ANK2: variants seen among roughly 807,000 people sequenced by gnomAD.
ANK2 encodes the protein ankyrin-2.
A neutral mutation model predicts 360.5 loss-of-function variants in ANK2; 83 were observed. The ratio of observed to expected loss-of-function variants is 0.23; its 90% CI spans 0.19 to 0.28. The LOEUF is 0.28. ANK2 is among the 10% of genes least tolerant of loss of function. The pLI, the probability that ANK2 is intolerant of heterozygous loss-of-function variation, is 1.00. For missense variants in ANK2, 4,201 were observed against 4,795.7 expected (o/e 0.88, Z 3.66); for synonymous variants, 1,740 against 1,759.5 (o/e 0.99, Z 0.28).
At chr4:113,298,141 T>C (rs2072927928) in intron 22 of ANK2, among the ~76,000 whole-genome samples, 1 of 152,224 alleles carries the variant, frequency 6.6e-6, no homozygotes, top group African/African-American at 2.4e-5. Flanking sequence ...CTGTTATAAT[T>C]GTCTCAATTA....
chr4:113,056,547 G>A (rs959469458), intron 1 of ANK2, among the ~76,000 whole-genome samples: 3 of 151,982 alleles, frequency 2.0e-5, no homozygotes, highest in African/African-American at 7.3e-5. Context: ...TATCTCATTG[G>A]ACACTGGTCG....
intron 9 of ANK2, among the ~76,000 whole-genome samples, chr4:113,248,873 A>T (rs1027463481): frequency 6.6e-6 from 1 of 152,186 alleles, no homozygotes; most frequent in Admixed American, 6.5e-5. Context: ...AATCACCAGT[A>T]AATTTAAGCA....
At chr4:113,256,699 G>A (rs1393149470) in intron 11 of ANK2, among the ~76,000 whole-genome samples, 1 of 152,112 alleles carries the variant, frequency 6.6e-6, no homozygotes, top group Non-Finnish European at 1.5e-5. Flanking sequence ...TGTTTACATG[G>A]TTTGTGTCTG....
the ANK2 span, among the ~76,000 whole-genome samples, chr4:112,757,836 A>G: frequency 3.9e-5 from 6 of 152,220 alleles, no homozygotes; most frequent in African/African-American, 1.4e-4. Context: ...GTAAAGGAGA[A>G]AAATGTAAAA....
At chr4:112,735,718 T>G in the ANK2 span, among the ~76,000 whole-genome samples, 4 of 152,224 alleles carry the variant, frequency 2.6e-5, no homozygotes, top group Non-Finnish European at 5.9e-5. Flanking sequence ...ATTTATCAGC[T>G]TAACCATTTC....
the ANK2 span, among the ~76,000 whole-genome samples, chr4:112,768,982 C>T: frequency 6.6e-6 from 1 of 152,178 alleles, no homozygotes; most frequent in Non-Finnish European, 1.5e-5. Flanking sequence ...AGTTCATTGG[C>T]TTAAAATAAT....
the ANK2 span, among the ~76,000 whole-genome samples, chr4:112,745,660 A>G: frequency 1.3e-5 from 2 of 151,702 alleles, no homozygotes; most frequent in Admixed American, 1.3e-4. Flanking sequence ...CAGCCTCCCA[A>G]GTAGCTGGGA....
intron 1 of ANK2, among the ~76,000 whole-genome samples, chr4:113,059,614 T>C (rs1201063947): frequency 1.3e-5 from 2 of 152,196 alleles, no homozygotes; most frequent in Non-Finnish European, 2.9e-5. Flanking sequence ...AGACTGTACT[T>C]TGAGAATTCA....
chr4:113,373,636 G>C (rs1299651302), intron 45 of ANK2, 187 bp downstream of exon 45: 1 of 773,090 alleles, frequency 1.3e-6, no homozygotes, highest in Non-Finnish European at 2.4e-6. Context: ...CCATCAGGGA[G>C]ACTTGTAGGC....
intron 1 of ANK2, among the ~76,000 whole-genome samples, chr4:113,115,090 T>C (rs144292489): frequency 1.3e-5 from 2 of 152,296 alleles, no homozygotes; most frequent in East Asian, 3.9e-4. Context: ...ATGACTGCTT[T>C]GACACCACAA....
chr4:113,095,685 T>C lies in ANK2; in HGVS notation c.84+45873T>C, dbSNP rs563395237. ...AGATTTATACCTTTCTGTTTATAAG[T>C]ATAATAATAATTCTTTTATAAAAAT... On this transcript the variant is annotated intron_variant, in intron 1 of 45. Coordinates refer to ENST00000357077, the MANE Select transcript of ANK2 (RefSeq NM_001148.6). Among the ~76,000 whole-genome samples the C allele has an allele frequency of 1.9e-4, 29 of 152,154 alleles. No individual in the cohort carries two copies. In the South Asian group the frequency reaches 5.8e-3, roughly 31 times the overall value.
At chr4:113,072,538 TAGA>T (rs2077978015) in intron 1 of ANK2, among the ~76,000 whole-genome samples, 2 of 152,168 alleles carry the variant, frequency 1.3e-5, no homozygotes, top group Admixed American at 6.5e-5. Flanking sequence ...TTCTCAAAGT[TAGA>T]AGGAGTCTGT....
At chr4:113,301,193 GC>G (rs1161879779) in intron 22 of ANK2, among the ~76,000 whole-genome samples, 2 of 151,940 alleles carry the variant, frequency 1.3e-5, no homozygotes, top group African/African-American at 2.4e-5. Context: ...GTCAATTGAT[GC>G]CCTTAATGTA....
intron 4 of ANK2, among the ~76,000 whole-genome samples, chr4:113,203,193 T>G (rs1032685632): frequency 2.6e-5 from 4 of 152,246 alleles, no homozygotes; most frequent in African/African-American, 9.6e-5. Context: ...ATACGTGATG[T>G]TGGGATGATT....
Position 112,999,660 on chromosome 4 carries a change from T to TA in ANK2, c.21+95157dup, listed in dbSNP as rs35523454. 1.2e-3 allele frequency among the ~76,000 whole-genome samples: 167 copies of TA among 145,076 alleles called. 1 individual carries two copies. The highest frequency in any genetic ancestry group is 3.0e-3 in the African/African-American group (118 of 39,842). On this transcript the variant is annotated intron_variant, in intron 2 of 30. Transcript: ENST00000503271. Reference sequence around the variant, plus strand: ...CACCAGTCCTTTTCCTCCTCCTCCTTAAAAAAAAAAAGCAACAAAAAAACC... The same window carrying TA: ...CACCAGTCCTTTTCCTCCTCCTCCTTAAAAAAAAAAAAGCAACAAAAAAACC...
chr4:112,877,422 T>C (rs2150364194), intron 1 of ANK2, among the ~76,000 whole-genome samples: 1 of 152,296 alleles, frequency 6.6e-6, no homozygotes, highest in East Asian at 1.9e-4. Context: ...TGATTATAGC[T>C]CACTGCAGCC....
chr4:112,919,202 A>G (rs1302964841), intron 2 of ANK2, among the ~76,000 whole-genome samples: 2 of 152,164 alleles, frequency 1.3e-5, no homozygotes, highest in East Asian at 3.8e-4. Flanking sequence ...ATGGATTTAT[A>G]GGTGATAGTG....
intron 1 of ANK2, among the ~76,000 whole-genome samples, chr4:113,074,246 C>T (rs1308430706): frequency 4.6e-5 from 7 of 152,112 alleles, no homozygotes; most frequent in Non-Finnish European, 7.3e-5. Context: ...TTACTGTGTT[C>T]AAGACCCTTA....
chr4:112,777,913 C>T, the ANK2 span, among the ~76,000 whole-genome samples: 8 of 147,228 alleles, frequency 5.4e-5, no homozygotes, highest in South Asian at 2.2e-4. Flanking sequence ...CCACCGCGCC[C>T]GGCTCATCTA....
Sources: allele counts gnomAD v4.1 joint callset (sites outside exome capture counted in the v4.1 genomes callset), GRCh38; gene constraint gnomAD v4.1.1; transcripts MANE v1.5; gene names NCBI Gene and HGNC (gene_info 2026-07-23, HGNC 2026-07-21).